The following OR1J2 variants were observed in gnomAD, a reference collection of about 807,000 sequenced individuals.
The protein encoded by OR1J2 is olfactory receptor family 1 subfamily J member 2, also known as olfactory receptor 1J2.
For synonymous variants in OR1J2, 142 were observed against 99.7 expected (o/e 1.42, Z -2.52); for missense variants, 304 against 246.1 (o/e 1.24, Z -1.57).
the OR1J2 span, among the ~76,000 whole-genome samples, chr9:122,460,026 T>C: frequency 3.9e-5 from 6 of 152,266 alleles, no homozygotes; most frequent in South Asian, 4.1e-4. Context: ...CTCCCACTTA[T>C]GAGTGACAAC....
the OR1J2 span, among the ~76,000 whole-genome samples, chr9:122,451,528 T>C: frequency 3.8e-3 from 584 of 152,304 alleles, 5 homozygotes; most frequent in African/African-American, 0.013. Context: ...TTGAGCTGCA[T>C]ATGTCACTTT....
upstream of OR1J2, among the ~76,000 whole-genome samples, chr9:122,508,932 T>C (rs1828579709): frequency 6.6e-6 from 1 of 152,214 alleles, no homozygotes. Flanking sequence ...GTTTTCTTGC[T>C]TTTTTCTAGC....
In OR1J2 at chr9:122,511,479, G is replaced by A. The variant is rs1417054646; in HGVS notation, c.678G>A (p.Leu226=). 2 of 780,664 alleles carry A rather than the reference G, an allele frequency of 2.6e-6. No homozygotes were observed. Among genetic ancestry groups the A allele is most frequent in the Non-Finnish European group, 2.4e-6 (1 of 418,026 alleles). 48.4% of individuals were successfully genotyped at this position (780,664 alleles called of 1,614,324 possible). A position where few individuals can be genotyped will look rare whatever the true frequency, so the allele number is the denominator to read the frequency against. ...VSYGYIGATI[L]RVPSTKGIHK... is the part of the protein sequence containing the mutation. ...ATGGCTACATTGGGGCCACCATCCT[G>A]AGGGTCCCTTCAACCAAAGGGATCC... The change falls in exon 1 of 1, where the codon CTG becomes CTA. Residue 226 remains leucine (L), a synonymous_variant. Transcript: ENST00000335302.
chr9:122,493,028 A>T, the OR1J2 span, among the ~76,000 whole-genome samples: 2 of 152,154 alleles, frequency 1.3e-5, no homozygotes, highest in Non-Finnish European at 2.9e-5. Context: ...CGTATGTTAA[A>T]TCATCCCTGC....
At chr9:122,480,914 C>G in the OR1J2 span, among the ~76,000 whole-genome samples, 1 of 152,124 alleles carries the variant, frequency 6.6e-6, no homozygotes, top group African/African-American at 2.4e-5. Flanking sequence ...CCTGCCTCAG[C>G]CTCCCGAGTA....
chr9:122,555,038 A>G, the OR1J2 span, among the ~76,000 whole-genome samples: 7 of 151,838 alleles, frequency 4.6e-5, no homozygotes, highest in South Asian at 2.1e-4. Flanking sequence ...TCTTTTTGCA[A>G]TGAAATTCTA....
At chr9:122,552,037 A>AC in the OR1J2 span, among the ~76,000 whole-genome samples, 9 of 16,932 alleles carry the variant, frequency 5.3e-4, no homozygotes, top group African/African-American at 4.0e-3. Flanking sequence ...TAGGACACAT[A>AC]CACACACACA....
chr9:122,552,036 T>TACACAC, the OR1J2 span, among the ~76,000 whole-genome samples: 2 of 123,882 alleles, frequency 1.6e-5, no homozygotes, highest in African/African-American at 5.5e-5. Flanking sequence ...GTAGGACACA[T>TACACAC]ACACACACAC....
chr9:122,502,814 A>G, the OR1J2 span, among the ~76,000 whole-genome samples: 1 of 152,170 alleles, frequency 6.6e-6, no homozygotes, highest in South Asian at 2.1e-4. Context: ...TCAGCAGAGC[A>G]AAAAGTTCAA....
Position 122,511,578 on chromosome 9 carries a change from C to A in OR1J2, c.777C>A (p.Tyr259Ter). 1 of 781,042 alleles carries A rather than the reference C, an allele frequency of 1.3e-6. No homozygotes were observed. Among genetic ancestry groups the A allele is most frequent in the South Asian group, 1.3e-5 (1 of 74,614 alleles). The allele number at this position is 781,042 out of a possible 1,614,324, so 48.4% of individuals were successfully genotyped here. A position where few individuals can be genotyped will look rare whatever the true frequency, so the allele number is the denominator to read the frequency against. The change falls in exon 1 of 1, where the codon TAC becomes TAA. Residue 259 changes from tyrosine to a stop codon, truncating the protein, a stop_gained. Transcript: ENST00000335302. LOFTEE classifies it low-confidence loss of function (END_TRUNC). Reference protein sequence around the residue: ...SLYYGSIFGQYLFPTVSSSID... With the variant: ...SLYYGSIFGQ ...ATTATGGGTCAATATTTGGCCAGTACCTTTTCCCGACTGTAAGCAGTTCTA... is the reference window on the plus strand; with the variant it reads ...ATTATGGGTCAATATTTGGCCAGTAACTTTTCCCGACTGTAAGCAGTTCTA...
At chr9:122,567,555 C>T in the OR1J2 span, 1 of 1,573,708 alleles carries the variant, frequency 6.4e-7, no homozygotes, top group African/African-American at 1.4e-5. Context: ...TTCCTAGGAT[C>T]TCTTGCTCAT....
chr9:122,535,854 G>A, the OR1J2 span, among the ~76,000 whole-genome samples: 2 of 152,176 alleles, frequency 1.3e-5, no homozygotes, highest in Admixed American at 1.3e-4. Flanking sequence ...AGTCAGCAAA[G>A]GGAGATAGGG....
the OR1J2 span, among the ~76,000 whole-genome samples, chr9:122,451,335 G>A: frequency 2.6e-5 from 4 of 152,016 alleles, no homozygotes; most frequent in African/African-American, 7.2e-5. Flanking sequence ...ACAGGCATGC[G>A]CCACCAAGCC....
the OR1J2 span, among the ~76,000 whole-genome samples, chr9:122,504,966 G>A: frequency 6.6e-6 from 1 of 152,060 alleles, no homozygotes; most frequent in Non-Finnish European, 1.5e-5. Context: ...CTTTGAGTTT[G>A]CTAAGCTGCT....
chr9:122,501,187 C>T, the OR1J2 span, among the ~76,000 whole-genome samples: 1 of 152,122 alleles, frequency 6.6e-6, no homozygotes, highest in East Asian at 1.9e-4. Flanking sequence ...TTTATATAAT[C>T]ATGTTTTTCT....
chr9:122,499,757 CA>C, the OR1J2 span, among the ~76,000 whole-genome samples: 1 of 152,186 alleles, frequency 6.6e-6, no homozygotes, highest in Non-Finnish European at 1.5e-5. Flanking sequence ...AAGGGTTGGG[CA>C]GCTCATGCTG....
chr9:122,579,640 G>C, the OR1J2 span, among the ~76,000 whole-genome samples: 1 of 152,178 alleles, frequency 6.6e-6, no homozygotes, highest in South Asian at 2.1e-4. Context: ...GTTTACATTT[G>C]AGACTGAAGG....
At chr9:122,477,446 G>A in the OR1J2 span, 6 of 1,613,916 alleles carry the variant, frequency 3.7e-6, no homozygotes, top group Non-Finnish European at 5.1e-6. Context: ...GCCAGGAGGA[G>A]GGTATGCAAA....
the OR1J2 span, among the ~76,000 whole-genome samples, chr9:122,550,188 G>C: frequency 0.3 from 45,647 of 151,742 alleles, 7,362 homozygotes; most frequent in East Asian, 0.54. Context: ...TAAAATCTCC[G>C]AAGATTGTGC....
Sources: gnomAD v4.1 joint callset for allele counts (sites outside exome capture counted in the v4.1 genomes callset) on GRCh38, gnomAD v4.1.1 for gene constraint, MANE v1.5 for transcripts, NCBI Gene and HGNC (gene_info 2026-07-23, HGNC 2026-07-21) for gene names.